PI4KA: variants seen among roughly 807,000 people sequenced by gnomAD.
PI4KA encodes the protein PI4-kinase alpha.
Under a neutral mutation model 271.4 loss-of-function variants are expected in PI4KA, and 122 were observed. The ratio of observed to expected loss-of-function variants is 0.45; its 90% CI spans 0.39 to 0.52. The LOEUF (loss-of-function observed/expected upper bound fraction) is 0.52. PI4KA is among the 20% of genes least tolerant of loss of function. The probability of loss-of-function intolerance (pLI) is 0.00; values close to 1 mark genes in which losing one functional copy is unlikely to be tolerated. For synonymous variants in PI4KA, 1,041 were observed against 1,078.8 expected (o/e 0.96, Z 0.69); for missense variants, 1,969 against 2,769.1 (o/e 0.71, Z 6.48).
At chr22:20,763,003 T>C (rs1932130322) in intron 22 of PI4KA, among the ~76,000 whole-genome samples, 1 of 79,946 alleles carries the variant, frequency 1.3e-5, no homozygotes, top group Non-Finnish European at 2.4e-5. Flanking sequence ...GCTAGGTTTT[T>C]TTGCTTTTTT....
Position 20,838,614 on chromosome 22 carries a change from C to T in PI4KA, c.273+1G>A. ...AAACTTTTAATTTCATGAAGACTTA[C>T]CTGAAGATCAGATTCAATCAGAAAA... is the stretch of plus-strand genomic sequence containing the variant. On this transcript the variant is annotated splice_donor_variant, in intron 2 of 54. Transcript: ENST00000255882. LOFTEE classifies it high-confidence loss of function. The T allele has an allele frequency of 1.3e-6, 2 of 1,559,158 alleles. No homozygotes were observed. Among genetic ancestry groups the T allele is most frequent in the Non-Finnish European group, 1.8e-6 (2 of 1,130,364 alleles).
Position 20,818,466 on chromosome 22 carries a change from G to A in PI4KA, c.856+17C>T, listed in dbSNP as rs141373159. 1,583 of 1,565,302 alleles carry A rather than the reference G, an allele frequency of 1.0e-3. 10 individuals carry two copies. The African/African-American group carries it at 0.019, about 19-fold the overall frequency. ...CAAGTATTACGTCAAAATATTCTTC[G>A]GAAAGGTGAAGCCCACCTTCAAAGT... On this transcript the variant is annotated intron_variant, in intron 7 of 54. Transcript: ENST00000255882.
intron 1 of PI4KA, among the ~76,000 whole-genome samples, chr22:20,845,983 C>T (rs940781736): frequency 1.3e-5 from 2 of 152,072 alleles, no homozygotes; most frequent in Non-Finnish European, 2.9e-5. Context: ...ATCAGCCGGG[C>T]GCTGTGGCTC....
rs5760207 is a variant in PI4KA, at chr22:20,726,260, C to A, written c.4995+228G>T. 28,688 of 423,626 alleles carry A rather than the reference C, an allele frequency of 0.068. 993 individuals are homozygous for A. Among genetic ancestry groups the A allele is most frequent in the Non-Finnish European group, 0.073 (17,596 of 240,894 alleles). 26.2% of individuals were successfully genotyped at this position (423,626 alleles called of 1,614,324 possible). A position where few individuals can be genotyped will look rare whatever the true frequency, so the allele number is the denominator to read the frequency against. Reference sequence around the variant, plus strand: ...GCCAGGCTGGCAACAGCCCCAGAACCGGCTCGCTCCACAGAGCATGCTTGG... The same window carrying A: ...GCCAGGCTGGCAACAGCCCCAGAACAGGCTCGCTCCACAGAGCATGCTTGG... On this transcript the variant is annotated intron_variant, in intron 42 of 54. Transcript: ENST00000255882.
intron 8 of PI4KA, among the ~76,000 whole-genome samples, chr22:20,812,369 A>G (rs1019182125): frequency 3.3e-5 from 5 of 151,908 alleles, no homozygotes; most frequent in Non-Finnish European, 7.4e-5. Context: ...TTCTATTCAC[A>G]CTCCACACAG....
chr22:20,760,855 G>A (rs1931888514), intron 23 of PI4KA, among the ~76,000 whole-genome samples: 1 of 152,202 alleles, frequency 6.6e-6, no homozygotes. Flanking sequence ...CTGGAAGCAA[G>A]TGGCATGATC....
intron 35 of PI4KA, 32 bp downstream of exon 35, chr22:20,733,704 T>C (rs895893657): frequency 1.2e-6 from 2 of 1,613,754 alleles, no homozygotes; most frequent in African/African-American, 1.3e-5. Context: ...GCGCCGTCCC[T>C]GGACGCTGCA....
In PI4KA at chr22:20,762,611, C is replaced by A. The variant is rs562165790; in HGVS notation, c.2709-1225G>T. Among the ~76,000 whole-genome samples, 5 of 152,284 alleles carry A rather than the reference C, an allele frequency of 3.3e-5. No individual in the cohort carries two copies. The East Asian group carries it at 9.6e-4, about 29-fold the overall frequency. On this transcript the variant is annotated intron_variant, in intron 22 of 54. Transcript: ENST00000255882. ...AGGCAGAGGTAGCTCTGCCTTCAAACCACATGAGGTTGAGAGGGTCTGGAG... is the reference window on the plus strand; with the variant it reads ...AGGCAGAGGTAGCTCTGCCTTCAAAACACATGAGGTTGAGAGGGTCTGGAG...
intron 36 of PI4KA, among the ~76,000 whole-genome samples, chr22:20,731,217 T>C (rs1928007966): frequency 6.6e-6 from 1 of 152,022 alleles, no homozygotes. Flanking sequence ...AAAACAAATA[T>C]CATAATTTTC....
intron 21 of PI4KA, 31 bp downstream of exon 21, chr22:20,765,069 A>G: frequency 1.2e-6 from 2 of 1,600,484 alleles, no homozygotes; most frequent in South Asian, 1.1e-5. Context: ...TGGCACAGAG[A>G]GCATGGTAAA....
chr22:20,742,560 A>T (rs1375440858), intron 31 of PI4KA, 48 bp downstream of exon 31: 6 of 1,606,014 alleles, frequency 3.7e-6, no homozygotes, highest in Non-Finnish European at 5.1e-6. Context: ...CAAGGCCAGC[A>T]TTCATTTAGA....
Position 20,712,886 on chromosome 22 carries a change from C to G in PI4KA, c.5572-89G>C. On this transcript the variant is annotated intron_variant, in intron 48 of 54. Transcript: ENST00000255882. ...GCTCATGCAGGGCAAAAGCCAAGCA[C>G]CCAGAGATGGAGTGAGGTGGGGAGA... is the stretch of plus-strand genomic sequence containing the variant. 1.9e-6 allele frequency: 3 copies of G among 1,547,806 alleles called. No homozygotes were observed. In the South Asian group the frequency reaches 3.6e-5, roughly 19 times the overall value.
At chr22:20,833,082 T>C (rs893238924) in intron 3 of PI4KA, among the ~76,000 whole-genome samples, 1 of 152,154 alleles carries the variant, frequency 6.6e-6, no homozygotes, top group Non-Finnish European at 1.5e-5. Context: ...GGTGCTTTTA[T>C]CTTCTTTGAT....
intron 19 of PI4KA, among the ~76,000 whole-genome samples, chr22:20,773,317 C>CA (rs1343588608): frequency 1.3e-5 from 2 of 151,886 alleles, no homozygotes; most frequent in Non-Finnish European, 2.9e-5. Flanking sequence ...ACTTGGGAGA[C>CA]AGAGGTTGCA....
chr22:20,782,811 A>G (rs1933900694), intron 19 of PI4KA, among the ~76,000 whole-genome samples: 1 of 152,130 alleles, frequency 6.6e-6, no homozygotes, highest in Non-Finnish European at 1.5e-5. Context: ...ATGTGGCCCA[A>G]ATGTCAAAAA....
intron 1 of PI4KA, among the ~76,000 whole-genome samples, chr22:20,839,614 G>A (rs375466830): frequency 6.6e-6 from 1 of 152,154 alleles, no homozygotes; most frequent in African/African-American, 2.4e-5. Context: ...GGCGGATCAC[G>A]AGGTCAGAAG....
At chr22:20,764,004 C>T (rs1932265423) in intron 22 of PI4KA, among the ~76,000 whole-genome samples, 1 of 152,148 alleles carries the variant, frequency 6.6e-6, no homozygotes, top group Admixed American at 6.5e-5. Context: ...TAGTGTTTTC[C>T]AAATAGCCTT....
chr22:20,828,833 G>GT (rs1275842948), intron 3 of PI4KA, among the ~76,000 whole-genome samples: 2 of 152,272 alleles, frequency 1.3e-5, no homozygotes, highest in East Asian at 3.9e-4. Flanking sequence ...GATTACAGGC[G>GT]TGAGCCACCA....
rs185250213 is a variant in PI4KA at position 20,757,904 on chromosome 22, C to T, written c.2791+3400G>A. Among the ~76,000 whole-genome samples, 11 of 152,064 alleles carry T rather than the reference C, an allele frequency of 7.2e-5. 1 individual carries two copies. The highest frequency in any genetic ancestry group is 2.4e-4 in the African/African-American group (10 of 41,472). On this transcript the variant is annotated intron_variant, in intron 23 of 54. Coordinates refer to ENST00000255882, the MANE Select transcript of PI4KA (RefSeq NM_058004.4). ...TGAATAATGTGCTAGGTGCTTAATTCTTCTAGAGGTTGGCAGTTTCAATTT... is the reference window on the plus strand; with the variant it reads ...TGAATAATGTGCTAGGTGCTTAATTTTTCTAGAGGTTGGCAGTTTCAATTT...
Sources: gnomAD v4.1 joint callset for allele counts (sites outside exome capture counted in the v4.1 genomes callset) on GRCh38, gnomAD v4.1.1 for gene constraint, MANE v1.5 for transcripts, NCBI Gene and HGNC (gene_info 2026-07-23, HGNC 2026-07-21) for gene names.